The following ROBO1 variants were observed in gnomAD, a reference collection of about 807,000 sequenced individuals.
The protein encoded by ROBO1 is roundabout guidance receptor 1, also known as roundabout homolog 1.
A neutral mutation model predicts 195.9 loss-of-function variants in ROBO1; 149 were observed. That is an observed-to-expected ratio of 0.76 (90% confidence interval 0.67 to 0.87). ROBO1 has a LOEUF of 0.87. Among genes scored for constraint, ROBO1 ranks in the 40% least tolerant of loss-of-function variants. The pLI is 0.00. For missense variants in ROBO1, 1,933 were observed against 2,068.3 expected (o/e 0.93, Z 1.27); for synonymous variants, 816 against 733.2 (o/e 1.11, Z -1.82).
intron 24 of ROBO1, among the ~76,000 whole-genome samples, chr3:78,633,261 CT>C (rs767607707): frequency 1.4e-4 from 22 of 152,150 alleles, no homozygotes; most frequent in Non-Finnish European, 2.8e-4. Flanking sequence ...TAATAACGAA[CT>C]GCCTTTAATT....
At position 79,621,178 on chromosome 3, in the gene ROBO1, T is replaced by C. The variant is rs1048958940; in HGVS notation, c.-50-31217A>G. ...ACCTGGTCTGTACTGCTGCAAGGCTTCAGGGACAGCCCTCATTACTTCAGT... is the reference window on the plus strand; with the variant it reads ...ACCTGGTCTGTACTGCTGCAAGGCTCCAGGGACAGCCCTCATTACTTCAGT... On this transcript the variant is annotated intron_variant, in intron 1 of 30. Coordinates refer to ENST00000464233, the MANE Select transcript of ROBO1 (RefSeq NM_002941.4). 7.9e-5 allele frequency among the ~76,000 whole-genome samples: 12 copies of C among 152,178 alleles called. No homozygotes were observed. In the East Asian group the frequency reaches 2.3e-3, roughly 29 times the overall value.
intron 2 of ROBO1, among the ~76,000 whole-genome samples, chr3:79,579,713 G>T (rs1943599328): frequency 6.6e-6 from 1 of 152,052 alleles, no homozygotes; most frequent in Non-Finnish European, 1.5e-5. Flanking sequence ...TTAAAGAAAA[G>T]TAACACAACT....
chr3:78,679,197 T>A lies in ROBO1; in HGVS notation c.1342+6549A>T, dbSNP rs1159200361. The stretch of plus-strand genomic sequence containing the variant: ...ATCTCAAAATAATAAGAGCTATCTA[T>A]GACAAACCCACAGCCAATATCATAC... On this transcript the variant is annotated intron_variant, in intron 10 of 30. Transcript: ENST00000464233. Among the ~76,000 whole-genome samples the A allele has an allele frequency of 2.0e-5, 3 of 151,756 alleles. No homozygotes were observed. In the East Asian group the frequency reaches 5.8e-4, roughly 29 times the overall value.
At chr3:79,630,452 T>C (rs1368380519) in intron 1 of ROBO1, among the ~76,000 whole-genome samples, 1 of 151,990 alleles carries the variant, frequency 6.6e-6, no homozygotes, top group African/African-American at 2.4e-5. Flanking sequence ...CCTCTCATGT[T>C]AAAAACCCTT....
intron 2 of ROBO1, among the ~76,000 whole-genome samples, chr3:79,491,259 A>G (rs1939441165): frequency 6.7e-6 from 1 of 149,384 alleles, no homozygotes; most frequent in Non-Finnish European, 1.5e-5. Flanking sequence ...CTTCTTGCCT[A>G]TACTACTAAA....
chr3:79,215,357 A>C (rs942655058), intron 2 of ROBO1, among the ~76,000 whole-genome samples: 8 of 152,074 alleles, frequency 5.3e-5, no homozygotes, highest in Admixed American at 4.6e-4. Flanking sequence ...TTTTACCCCT[A>C]CACCACTTAT....
At chr3:78,633,381 T>C (rs1441455086) in intron 24 of ROBO1, among the ~76,000 whole-genome samples, 1 of 152,162 alleles carries the variant, frequency 6.6e-6, no homozygotes, top group African/African-American at 2.4e-5. Flanking sequence ...GAGGCCTCAA[T>C]GTGGCTTTGG....
At chr3:79,725,223 C>CTTTTTTTTT (rs35418345) in intron 1 of ROBO1, among the ~76,000 whole-genome samples, 15 of 106,510 alleles carry the variant, frequency 1.4e-4, no homozygotes, top group East Asian at 2.9e-4. Flanking sequence ...CTCTCTTCTT[C>CTTTTTTTTT]TTTTTTTTTT....
chr3:79,108,226 G>A (rs2079820106), intron 3 of ROBO1, among the ~76,000 whole-genome samples: 1 of 151,664 alleles, frequency 6.6e-6, no homozygotes, highest in Non-Finnish European at 1.5e-5. Flanking sequence ...CGACATAAAT[G>A]TCTCATTCAT....
chr3:79,226,957 C>T (rs2082237794), intron 2 of ROBO1, among the ~76,000 whole-genome samples: 1 of 152,192 alleles, frequency 6.6e-6, no homozygotes, highest in Admixed American at 6.5e-5. Context: ...CTCATCTACT[C>T]TGCTTTGAAT....
intron 2 of ROBO1, among the ~76,000 whole-genome samples, chr3:79,134,272 A>C (rs1352697256): frequency 1.5e-5 from 2 of 134,168 alleles, no homozygotes; most frequent in Non-Finnish European, 1.6e-5. Flanking sequence ...ATGCAGCCAA[A>C]AAACACATGA....
intron 2 of ROBO1, among the ~76,000 whole-genome samples, chr3:79,390,711 G>A (rs1024984336): frequency 2.0e-5 from 3 of 152,092 alleles, no homozygotes; most frequent in African/African-American, 7.2e-5. Flanking sequence ...ATGGTGAAGG[G>A]AGGAGACAGA....
At chr3:79,428,049 G>A (rs2038522275) in intron 2 of ROBO1, among the ~76,000 whole-genome samples, 2 of 152,004 alleles carry the variant, frequency 1.3e-5, no homozygotes, top group South Asian at 4.1e-4. Context: ...CATCTGATAA[G>A]GGATTAATAA....
intron 1 of ROBO1, among the ~76,000 whole-genome samples, chr3:79,594,649 A>G (rs147429434): frequency 1.3e-4 from 20 of 152,150 alleles, no homozygotes; most frequent in African/African-American, 4.8e-4. Flanking sequence ...ATATCAAACA[A>G]TTTAAACTCT....
intron 2 of ROBO1, among the ~76,000 whole-genome samples, chr3:79,312,191 C>T (rs564197892): frequency 6.6e-6 from 1 of 152,264 alleles, no homozygotes; most frequent in African/African-American, 2.4e-5. Flanking sequence ...CAAACAATCT[C>T]CATTGCCCAC....
At chr3:79,350,079 A>G in intron 2 of ROBO1, among the ~76,000 whole-genome samples, 1 of 152,206 alleles carries the variant, frequency 6.6e-6, no homozygotes, top group East Asian at 1.9e-4. Context: ...ATAAATAACA[A>G]AACAGCATAA....
At chr3:78,836,326 C>A (rs2032710832) in intron 4 of ROBO1, among the ~76,000 whole-genome samples, 1 of 151,902 alleles carries the variant, frequency 6.6e-6, no homozygotes, top group African/African-American at 2.4e-5. Context: ...TCCTGGCTAA[C>A]ACGGTGAAAC....
At chr3:79,236,908 A>G (rs1011273041) in intron 2 of ROBO1, among the ~76,000 whole-genome samples, 1 of 152,216 alleles carries the variant, frequency 6.6e-6, no homozygotes, top group Admixed American at 6.5e-5. Flanking sequence ...AAGTAGGAAC[A>G]GCTTTTGGCT....
chr3:78,656,984 A>G, intron 18 of ROBO1, 114 bp downstream of exon 18: 1 of 964,614 alleles, frequency 1.0e-6, no homozygotes, highest in Non-Finnish European at 1.5e-6. Flanking sequence ...TCTAAGCCAT[A>G]TTCCATATTC....
Sources: allele counts gnomAD v4.1 joint callset (sites outside exome capture counted in the v4.1 genomes callset), GRCh38; gene constraint gnomAD v4.1.1; transcripts MANE v1.5; gene names NCBI Gene and HGNC (gene_info 2026-07-23, HGNC 2026-07-21).